The following ARNT variants were observed in gnomAD, a reference collection of about 807,000 sequenced individuals.
ARNT encodes aryl hydrocarbon receptor nuclear translocator, also known as class E basic helix-loop-helix protein 2.
ARNT carries 30 observed loss-of-function variants against 105.0 expected under a neutral mutation model. That is an observed-to-expected ratio of 0.29 (90% CI 0.21 to 0.39). The LOEUF (loss-of-function observed/expected upper bound fraction) is 0.39. Among genes scored for constraint, ARNT ranks in the 10% least tolerant of loss-of-function variants. The probability of loss-of-function intolerance (pLI) is 1.00; values close to 1 mark genes in which losing one functional copy is unlikely to be tolerated. For missense variants in ARNT, 748 were observed against 978.7 expected (o/e 0.76, Z 3.15); for synonymous variants, 304 against 344.0 (o/e 0.88, Z 1.29).
intron 1 of ARNT, among the ~76,000 whole-genome samples, chr1:150,860,217 T>C (rs984115767): frequency 7.1e-6 from 1 of 141,052 alleles, no homozygotes; most frequent in Non-Finnish European, 1.5e-5. Flanking sequence ...AAAAAAAAAT[T>C]CTTTTTTTTT....
Position 150,810,153 on chromosome 1 carries a change from C to T in ARNT, c.*1868G>A, listed in dbSNP as rs1654470133. 8.6e-6 allele frequency: 2 copies of T among 231,688 alleles called. No individual in the cohort carries two copies. Among genetic ancestry groups the T allele is most frequent in the Admixed American group, 5.6e-5 (1 of 17,706 alleles). 14.4% of individuals were successfully genotyped at this position (231,688 alleles called of 1,614,324 possible). A position where few individuals can be genotyped will look rare whatever the true frequency, so the allele number is the denominator to read the frequency against. ...CTTTGCTACATGTCATTATTTTTGC[C>T]ACTGTAAAGCTTAGCACAGATGCCA... On this transcript the variant is annotated 3_prime_UTR_variant, in exon 22 of 22. Coordinates refer to ENST00000358595, the MANE Select transcript of ARNT (RefSeq NM_001668.4).
intron 10 of ARNT, 62 bp from the exon 11 acceptor site, chr1:150,830,042 C>G: frequency 6.4e-7 from 1 of 1,570,202 alleles, no homozygotes; most frequent in Non-Finnish European, 8.7e-7. Context: ...CTTCAAAACT[C>G]AGACAAGTAA....
intron 14 of ARNT, chr1:150,818,239 G>T: frequency 2.1e-6 from 1 of 469,726 alleles, no homozygotes; most frequent in Non-Finnish European, 3.8e-6. Context: ...TGACACAGGG[G>T]TCATCTTGTT....
intron 2 of ARNT, among the ~76,000 whole-genome samples, chr1:150,854,849 C>A (rs1302939853): frequency 2.5e-5 from 2 of 79,116 alleles, no homozygotes; most frequent in Non-Finnish European, 2.3e-5. Flanking sequence ...AAGAGCGAAA[C>A]TACATCTCAA....
chr1:150,820,985 G>C (rs1211322767), intron 14 of ARNT, among the ~76,000 whole-genome samples: 1 of 152,172 alleles, frequency 6.6e-6, no homozygotes, highest in African/African-American at 2.4e-5. Context: ...TTGGCCAGAA[G>C]CCTTACCAAT....
intron 3 of ARNT, among the ~76,000 whole-genome samples, chr1:150,847,263 T>G (rs1003717369): frequency 3.3e-5 from 5 of 151,958 alleles, no homozygotes; most frequent in African/African-American, 1.2e-4. Context: ...AAACCCCGTC[T>G]CTACTAAAAA....
At position 150,823,490 on chromosome 1, in the gene ARNT, A is replaced by G. The variant is rs966736750; in HGVS notation, c.1243-145T>C. The G allele has an allele frequency of 7.4e-6, 5 of 671,782 alleles. No homozygotes were observed. The African/African-American group carries it at 9.1e-5, about 12-fold the overall frequency. 41.6% of individuals were successfully genotyped at this position (671,782 alleles called of 1,614,324 possible). On this transcript the variant is annotated intron_variant, in intron 13 of 21. Transcript: ENST00000358595. ...TTTTTCAATATTAAAACAAAATGAG[A>G]GTAAAAACTAAGTGATTAAACATGG...
intron 4 of ARNT, among the ~76,000 whole-genome samples, chr1:150,844,354 C>A (rs1661790394): frequency 6.6e-6 from 1 of 152,170 alleles, no homozygotes; most frequent in Non-Finnish European, 1.5e-5. Flanking sequence ...AACAGTCCAT[C>A]CCTTTAATCA....
intron 18 of ARNT, among the ~76,000 whole-genome samples, 177 bp downstream of exon 18, chr1:150,816,611 T>C (rs746899081): frequency 4.0e-5 from 6 of 151,892 alleles, no homozygotes; most frequent in Non-Finnish European, 7.4e-5. Flanking sequence ...AACATGGCAA[T>C]AGGACAGGTG....
intron 3 of ARNT, among the ~76,000 whole-genome samples, chr1:150,849,975 C>T (rs1466333935): frequency 6.6e-6 from 1 of 151,952 alleles, no homozygotes; most frequent in Non-Finnish European, 1.5e-5. Flanking sequence ...TCGCTTGAAC[C>T]TGGAAGGCAG....
At chr1:150,861,216 TA>T (rs1489082105) in intron 1 of ARNT, 3 of 316,828 alleles carry the variant, frequency 9.5e-6, no homozygotes, top group Non-Finnish European at 1.9e-5. Flanking sequence ...CTCCAAAAAT[TA>T]AAAATAAAAC....
In ARNT at chr1:150,852,821, C is replaced by A. The variant is rs377175075; in HGVS notation, c.138-15G>T. 2.4e-5 allele frequency: 38 copies of A among 1,613,790 alleles called. No homozygotes were observed. The highest frequency in any genetic ancestry group is 3.1e-5 in the Non-Finnish European group (36 of 1,179,920). ...CAAAATCCAGCCTGAGGAAAGCCAA[C>A]AATAAATACTTTAAGCCTGCTGATA... On this transcript the variant is annotated splice_polypyrimidine_tract_variant and intron_variant, in intron 2 of 21. Coordinates refer to ENST00000358595, the MANE Select transcript of ARNT (RefSeq NM_001668.4).
At chr1:150,840,160 G>C (rs1007061526) in intron 5 of ARNT, among the ~76,000 whole-genome samples, 1 of 152,172 alleles carries the variant, frequency 6.6e-6, no homozygotes, top group Admixed American at 6.5e-5. Context: ...AGAATCACTT[G>C]AATCTGGGAG....
chr1:150,836,507 A>G lies in ARNT; in HGVS notation c.487-14T>C. 6.2e-7 allele frequency: 1 copy of G among 1,610,550 alleles called. No individual in the cohort carries two copies. The highest frequency in any genetic ancestry group is 8.5e-7 in the Non-Finnish European group (1 of 1,178,196). ...ATGTTTCAGTTCCTGCGCAAGAAAA[A>G]GAAATAGAAGTTAATATTTTACTCT... On this transcript the variant is annotated splice_polypyrimidine_tract_variant and intron_variant, in intron 6 of 21. Coordinates refer to ENST00000358595, the MANE Select transcript of ARNT (RefSeq NM_001668.4).
intron 14 of ARNT, among the ~76,000 whole-genome samples, chr1:150,819,993 G>A (rs1350819528): frequency 1.3e-5 from 2 of 152,210 alleles, no homozygotes; most frequent in Non-Finnish European, 2.9e-5. Context: ...GCAAAAGAGA[G>A]GAACAGTAAC....
At position 150,871,907 on chromosome 1, in the gene ARNT, CAAAAAAAA is replaced by C. The variant is rs776523588; in HGVS notation, c.25+4628_25+4635del. Among the ~76,000 whole-genome samples, 3 of 40,084 alleles carry C rather than the reference CAAAAAAAA, an allele frequency of 7.5e-5. No homozygotes were observed. In the South Asian group the frequency reaches 4.9e-3, roughly 65 times the overall value. 26.3% of individuals were successfully genotyped at this position (40,084 alleles called of 152,430 possible). ...TGGGCGACACAGTAAGACCCTGTCT[CAAAAAAAA>C]AAAAAAAAAAAAAAAAAGGCCTTTG... On this transcript the variant is annotated intron_variant, in intron 1 of 21. Transcript: ENST00000358595.
intron 12 of ARNT, among the ~76,000 whole-genome samples, chr1:150,828,378 C>A (rs1181006045): frequency 3.1e-5 from 4 of 129,268 alleles, no homozygotes; most frequent in African/African-American, 8.7e-5. Context: ...ATACAGATAT[C>A]CAATTGTTCC....
At chr1:150,813,385 C>G in intron 20 of ARNT, 47 bp from the exon 21 acceptor site, 4 of 1,525,220 alleles carry the variant, frequency 2.6e-6, no homozygotes, top group Non-Finnish European at 3.5e-6. Flanking sequence ...CTACACAATT[C>G]CATTGTGTAC....
chr1:150,836,772 C>T (rs890384645), intron 6 of ARNT, among the ~76,000 whole-genome samples: 2 of 152,188 alleles, frequency 1.3e-5, no homozygotes, highest in African/African-American at 2.4e-5. Flanking sequence ...CTAGGCACAG[C>T]GGCTCCCGCC....
Sources: allele counts gnomAD v4.1 joint callset (sites outside exome capture counted in the v4.1 genomes callset), GRCh38; gene constraint gnomAD v4.1.1; transcripts MANE v1.5; gene names NCBI Gene and HGNC (gene_info 2026-07-23, HGNC 2026-07-21).